Variants in STX8 observed in about 807,000 individuals in gnomAD.
STX8 encodes syntaxin 8, also known as syntaxin-8.
STX8 carries 23 observed loss-of-function variants against 37.5 expected under a neutral mutation model. The observed-to-expected ratio is 0.61, with a 90% CI of 0.44 to 0.87. The LOEUF is 0.87. Among genes scored for constraint, STX8 ranks in the 40% least tolerant of loss-of-function variants. The probability of loss-of-function intolerance (pLI) is 0.00; values close to 1 mark genes in which losing one functional copy is unlikely to be tolerated. For missense variants in STX8, 313 were observed against 284.7 expected (o/e 1.10, Z -0.71); for synonymous variants, 115 against 99.1 (o/e 1.16, Z -0.95).
chr17:9,345,690 TAC>T (rs1218484948), intron 7 of STX8, among the ~76,000 whole-genome samples: 1 of 48,300 alleles, frequency 2.1e-5, no homozygotes, highest in African/African-American at 4.2e-5. Context: ...TTATCTCACA[TAC>T]TTTTTTTTTT....
rs1257381099 is a variant in STX8, at chr17:9,390,794, G to A, written c.542-12141C>T. ...GGAGGTTGCAGTGAGCCGAGATCGCGCCATTGCACTCCAGCCTGGGCGACA... is the reference window on the plus strand; with the variant it reads ...GGAGGTTGCAGTGAGCCGAGATCGCACCATTGCACTCCAGCCTGGGCGACA... On this transcript the variant is annotated intron_variant, in intron 6 of 7. Coordinates refer to ENST00000306357, the MANE Select transcript of STX8 (RefSeq NM_004853.3). 5.7e-4 allele frequency among the ~76,000 whole-genome samples: 79 copies of A among 139,662 alleles called. 2 individuals carry two copies. The highest frequency in any genetic ancestry group is 4.5e-4 in the Admixed American group (6 of 13,320). 91.6% of individuals were successfully genotyped at this position (139,662 alleles called of 152,430 possible). A position where few individuals can be genotyped will look rare whatever the true frequency, so the allele number is the denominator to read the frequency against.
At chr17:9,574,223 A>G (rs1454058614) in intron 1 of STX8, among the ~76,000 whole-genome samples, 1 of 151,268 alleles carries the variant, frequency 6.6e-6, no homozygotes, top group African/African-American at 2.4e-5. Flanking sequence ...GTGAGCCATG[A>G]TCGCGCCATT....
chr17:9,490,837 C>A (rs752806485), intron 6 of STX8, among the ~76,000 whole-genome samples: 1 of 152,304 alleles, frequency 6.6e-6, no homozygotes, highest in African/African-American at 2.4e-5. Flanking sequence ...GAGTTTAGCT[C>A]TGTCACTCAT....
At chr17:9,278,234 G>A (rs887859084) in intron 7 of STX8, among the ~76,000 whole-genome samples, 14 of 152,208 alleles carry the variant, frequency 9.2e-5, no homozygotes, top group African/African-American at 3.4e-4. Context: ...GATCACCTGA[G>A]GTCGCGAGTT....
rs145124591 is a variant in STX8, at chr17:9,405,584, T to G, written c.542-26931A>C. On this transcript the variant is annotated intron_variant, in intron 6 of 7. Transcript: ENST00000306357. ...TCCTGATCATAAGCCCAAATGCATT[T>G]GCACAAAACTGTAGAGTTAGCTTAA... Among the ~76,000 whole-genome samples the G allele has an allele frequency of 9.8e-5, 15 of 152,332 alleles. No homozygotes were observed. The East Asian group carries it at 2.5e-3, about 25-fold the overall frequency.
chr17:9,546,484 G>GCATGGGCGCA (rs1194213915), intron 3 of STX8, among the ~76,000 whole-genome samples: 1 of 151,484 alleles, frequency 6.6e-6, no homozygotes, highest in Non-Finnish European at 1.5e-5. Context: ...CGGCGCGTGC[G>GCATGGGCGCA]CATGAAGCAA....
chr17:9,406,898 A>G (rs1195790583), intron 6 of STX8, among the ~76,000 whole-genome samples: 3 of 152,164 alleles, frequency 2.0e-5, no homozygotes, highest in East Asian at 3.8e-4. Flanking sequence ...TAAACCACTA[A>G]AAGAATCATA....
At chr17:9,477,211 A>G (rs976191147) in intron 6 of STX8, among the ~76,000 whole-genome samples, 1 of 152,158 alleles carries the variant, frequency 6.6e-6, no homozygotes, top group African/African-American at 2.4e-5. Flanking sequence ...GGCCCACCAC[A>G]GTGGCCCCAT....
chr17:9,311,522 T>C (rs1909187854), intron 7 of STX8, among the ~76,000 whole-genome samples: 1 of 152,162 alleles, frequency 6.6e-6, no homozygotes, highest in African/African-American at 2.4e-5. Context: ...GAAAGAAATG[T>C]TTTTAATATC....
chr17:9,301,510 T>C (rs1031124531), intron 7 of STX8, among the ~76,000 whole-genome samples: 1 of 151,748 alleles, frequency 6.6e-6, no homozygotes, highest in Non-Finnish European at 1.5e-5. Context: ...TGAGATGGAG[T>C]CTCACTCTGT....
chr17:9,377,107 A>G (rs1397219758), intron 7 of STX8, among the ~76,000 whole-genome samples: 1 of 152,038 alleles, frequency 6.6e-6, no homozygotes, highest in Admixed American at 6.6e-5. Flanking sequence ...CCATTGTTCT[A>G]GCCTTCTTTC....
chr17:9,541,830 AC>A (rs1374148835), intron 4 of STX8, among the ~76,000 whole-genome samples: 1 of 152,174 alleles, frequency 6.6e-6, no homozygotes, highest in Non-Finnish European at 1.5e-5. Flanking sequence ...CATATAAAAA[AC>A]AAATAGCAGA....
At chr17:9,472,996 C>T (rs1292975771) in intron 6 of STX8, among the ~76,000 whole-genome samples, 1 of 152,024 alleles carries the variant, frequency 6.6e-6, no homozygotes, top group Admixed American at 6.5e-5. Flanking sequence ...CTAAAGCTAG[C>T]AGCAAAGTCA....
intron 7 of STX8, among the ~76,000 whole-genome samples, chr17:9,373,193 A>C (rs892535922): frequency 6.6e-6 from 1 of 152,134 alleles, no homozygotes; most frequent in Non-Finnish European, 1.5e-5. Context: ...TGAAAGCAAA[A>C]CCAAGCCAGG....
intron 7 of STX8, among the ~76,000 whole-genome samples, chr17:9,282,694 T>G (rs1907932475): frequency 6.6e-6 from 1 of 152,138 alleles, no homozygotes; most frequent in Non-Finnish European, 1.5e-5. Flanking sequence ...AAAGAAAAAG[T>G]CAGCCAATGG....
intron 4 of STX8, among the ~76,000 whole-genome samples, chr17:9,520,534 CTT>C (rs1905304577): frequency 1.3e-5 from 2 of 152,078 alleles, no homozygotes. Flanking sequence ...ATAAATGAAA[CTT>C]ATCAAATAAA....
chr17:9,473,330 T>C (rs1169502421), intron 6 of STX8, among the ~76,000 whole-genome samples: 1 of 152,172 alleles, frequency 6.6e-6, no homozygotes, highest in Non-Finnish European at 1.5e-5. Flanking sequence ...TGTCTCAGGA[T>C]CTTTTCTGCA....
At chr17:9,509,642 G>T (rs62066197) in intron 4 of STX8, among the ~76,000 whole-genome samples, 25,043 of 151,844 alleles carry the variant, frequency 0.16, 2,194 homozygotes, top group South Asian at 0.23. Flanking sequence ...AGGAAAAAGA[G>T]AAAGAAATCA....
At position 9,359,608 on chromosome 17, in the gene STX8, T is replaced by C. The variant is rs576461190; in HGVS notation, c.643+18944A>G. Among the ~76,000 whole-genome samples the C allele has an allele frequency of 1.2e-3, 172 of 146,808 alleles. 3 individuals are homozygous for C. Among genetic ancestry groups the C allele is most frequent in the Admixed American group, 2.0e-4 (3 of 14,678 alleles). ...CTGCAAGCTCCGCCTCCCACGTTCA[T>C]GCCATTCTCCCGCCTCAGCCTCCCA... On this transcript the variant is annotated intron_variant, in intron 7 of 7. Coordinates refer to ENST00000306357, the MANE Select transcript of STX8 (RefSeq NM_004853.3).
Sources: allele counts gnomAD v4.1 joint callset (sites outside exome capture counted in the v4.1 genomes callset), GRCh38; gene constraint gnomAD v4.1.1; transcripts MANE v1.5; gene names NCBI Gene and HGNC (gene_info 2026-07-23, HGNC 2026-07-21).